Variants in TET1 observed in about 807,000 individuals in gnomAD.
TET1 encodes the protein methylcytosine dioxygenase TET1.
TET1 carries 13 observed loss-of-function variants against 148.7 expected under a neutral mutation model. That is an observed-to-expected ratio of 0.09 (90% CI 0.06 to 0.14). The LOEUF (loss-of-function observed/expected upper bound fraction) is 0.14. Ranked by LOEUF, TET1 falls within the 10% of genes least tolerant of loss-of-function variation. The pLI is 1.00. For synonymous variants in TET1, 907 were observed against 937.2 expected, an observed-to-expected ratio of 0.97 and a Z score of 0.59; for missense variants, 2,182 against 2,553.8, an observed-to-expected ratio of 0.85 and a Z score of 3.14.
chr10:68,650,565 A>G (rs2054916943), intron 4 of TET1, among the ~76,000 whole-genome samples: 1 of 152,140 alleles, frequency 6.6e-6, no homozygotes. Context: ...CAGGAGGCGA[A>G]GATTGCAGTG....
chr10:68,595,026 G>T, intron 2 of TET1, among the ~76,000 whole-genome samples: 1 of 150,586 alleles, frequency 6.6e-6, no homozygotes, highest in Admixed American at 6.7e-5. Flanking sequence ...TTAGCTTGTT[G>T]TGGTAGCACA....
chr10:68,653,033 A>T (rs2054963621), intron 6 of TET1, among the ~76,000 whole-genome samples: 1 of 151,726 alleles, frequency 6.6e-6, no homozygotes, highest in South Asian at 2.1e-4. Context: ...TGGTTTTACC[A>T]GTTAGATTTT....
In TET1 at chr10:68,561,748, A is replaced by AAT. The variant is rs35803297; in HGVS notation, c.-123+1023_-123+1024dup. 9.6e-3 allele frequency among the ~76,000 whole-genome samples: 1,286 copies of AAT among 133,392 alleles called. 7 individuals are homozygous for AAT. The highest frequency in any genetic ancestry group is 0.018 in the Admixed American group (228 of 12,620). 87.5% of individuals were successfully genotyped at this position (133,392 alleles called of 152,430 possible). On this transcript the variant is annotated intron_variant, in intron 1 of 11. Transcript: ENST00000373644. ...CCGCCTCTCTCGCCCCAGGCTCTTG[A>AAT]ATATATATATATATATATTCTACAA... is the stretch of plus-strand genomic sequence containing the variant.
At chr10:68,635,382 C>T (rs922312245) in intron 3 of TET1, among the ~76,000 whole-genome samples, 1 of 151,814 alleles carries the variant, frequency 6.6e-6, no homozygotes, top group African/African-American at 2.4e-5. Context: ...CTGCTTAAGC[C>T]CAGGAGTTTG....
chr10:68,653,194 T>C (rs1408757621), intron 6 of TET1, among the ~76,000 whole-genome samples: 1 of 152,162 alleles, frequency 6.6e-6, no homozygotes, highest in Non-Finnish European at 1.5e-5. Context: ...AAGTATTTTA[T>C]ATTTATCCTG....
At chr10:68,576,031 A>AG (rs1293837225) in intron 2 of TET1, among the ~76,000 whole-genome samples, 3 of 150,560 alleles carry the variant, frequency 2.0e-5, no homozygotes, top group Non-Finnish European at 4.4e-5. Context: ...AAAAAAAAAA[A>AG]AAATTAAATA....
At chr10:68,596,921 G>A (rs548897609) in intron 2 of TET1, among the ~76,000 whole-genome samples, 55 of 151,716 alleles carry the variant, frequency 3.6e-4, no homozygotes, top group African/African-American at 1.2e-3. Context: ...ACCTGTCTTT[G>A]GGCCTTTACA....
chr10:68,613,938 C>CAAA (rs56302094), intron 3 of TET1, among the ~76,000 whole-genome samples: 2 of 118,714 alleles, frequency 1.7e-5, no homozygotes, highest in Non-Finnish European at 3.7e-5. Flanking sequence ...GACTTCGTCT[C>CAAA]AAAAAAAAAA....
chr10:68,581,849 AG>A (rs1042320773), intron 2 of TET1, among the ~76,000 whole-genome samples: 8 of 151,824 alleles, frequency 5.3e-5, no homozygotes, highest in African/African-American at 1.9e-4. Context: ...AAAAAAAAAA[AG>A]GAAAGCAATC....
At chr10:68,584,808 G>T (rs2053842641) in intron 2 of TET1, among the ~76,000 whole-genome samples, 1 of 151,182 alleles carries the variant, frequency 6.6e-6, no homozygotes, top group Admixed American at 6.6e-5. Flanking sequence ...CATTGTATTA[G>T]TTTATTCTAC....
intron 2 of TET1, among the ~76,000 whole-genome samples, chr10:68,596,068 T>C (rs1239882231): frequency 1.4e-5 from 2 of 142,412 alleles, no homozygotes; most frequent in Admixed American, 7.2e-5. Context: ...TGAGACAGTC[T>C]CTTCCTGTTG....
chr10:68,637,759 C>A (rs2054676125), intron 3 of TET1, among the ~76,000 whole-genome samples: 1 of 151,324 alleles, frequency 6.6e-6, no homozygotes, highest in Non-Finnish European at 1.5e-5. Context: ...GTAATTCTAG[C>A]TACTCAGGAG....
intron 3 of TET1, among the ~76,000 whole-genome samples, chr10:68,622,110 A>G (rs2054379232): frequency 6.6e-6 from 1 of 152,022 alleles, no homozygotes; most frequent in Non-Finnish European, 1.5e-5. Flanking sequence ...AATTTGGCCA[A>G]TATTCCCACG....
At chr10:68,589,991 T>G (rs1752123566) in intron 2 of TET1, among the ~76,000 whole-genome samples, 1 of 152,140 alleles carries the variant, frequency 6.6e-6, no homozygotes, top group Non-Finnish European at 1.5e-5. Flanking sequence ...TTATATTAAA[T>G]GAATTTTAAC....
intron 2 of TET1, among the ~76,000 whole-genome samples, chr10:68,586,412 A>T (rs1315745399): frequency 6.6e-6 from 1 of 151,014 alleles, no homozygotes; most frequent in African/African-American, 2.4e-5. Context: ...TCCTGACCTC[A>T]GGTGATCTGC....
In TET1 at chr10:68,679,531, C is replaced by A. The variant is rs981820232; in HGVS notation, c.4825-1868C>A. 7.6e-4 allele frequency among the ~76,000 whole-genome samples: 115 copies of A among 152,264 alleles called. 1 individual carries two copies. Among genetic ancestry groups the A allele is most frequent in the Non-Finnish European group, 6.0e-4 (41 of 68,030 alleles). The stretch of plus-strand genomic sequence containing the variant: ...CTTGTAGTAAAACACGGTTACCCAG[C>A]CCACTGGATACTTCCAGTGATTGAA... On this transcript the variant is annotated intron_variant, in intron 8 of 11. Transcript: ENST00000373644.
chr10:68,638,004 T>C (rs2054681079), intron 3 of TET1, among the ~76,000 whole-genome samples: 1 of 152,310 alleles, frequency 6.6e-6, no homozygotes, highest in Admixed American at 6.5e-5. Flanking sequence ...GGTCTTGAAC[T>C]CCTTACCTCA....
chr10:68,573,639 C>T lies in TET1; in HGVS notation c.1301C>T (p.Pro434Leu), dbSNP rs748621988. 1 of 1,614,182 alleles carries T rather than the reference C, an allele frequency of 6.2e-7. No individual in the cohort carries two copies. The change falls in exon 2 of 12, where the codon CCT becomes CTT. Residue 434 changes from proline to leucine, a missense_variant. Transcript: ENST00000373644. ...SVVPDLPVFL[P>L]VPPNPIATFN... Reference sequence around the variant, plus strand: ...GTCCCAGACTTGCCTGTCTTCCTTCCTGTTCCTCCAAATCCAATTGCTACC... The same window carrying T: ...GTCCCAGACTTGCCTGTCTTCCTTCTTGTTCCTCCAAATCCAATTGCTACC...
At chr10:68,584,907 G>A (rs2053844187) in intron 2 of TET1, among the ~76,000 whole-genome samples, 2 of 151,150 alleles carry the variant, frequency 1.3e-5, no homozygotes, top group African/African-American at 2.4e-5. Context: ...TGCAACCTCC[G>A]TCTCCCGGGT....
Sources: allele counts gnomAD v4.1 joint callset (sites outside exome capture counted in the v4.1 genomes callset), GRCh38; gene constraint gnomAD v4.1.1; transcripts MANE v1.5; gene names NCBI Gene and HGNC (gene_info 2026-07-23, HGNC 2026-07-21).